The following CSNK1G3 variants were observed in gnomAD, a reference collection of about 807,000 sequenced individuals.
CSNK1G3 encodes the protein casein kinase 1 gamma 3.
A neutral mutation model predicts 64.3 loss-of-function variants in CSNK1G3; 23 were observed. The observed-to-expected ratio is 0.36, with a 90% confidence interval of 0.26 to 0.51. The LOEUF is 0.51. Ranked by LOEUF, CSNK1G3 falls within the 20% of genes least tolerant of loss-of-function variation. The pLI is 0.96. For missense variants in CSNK1G3, 357 were observed against 510.5 expected, an observed-to-expected ratio of 0.70 and a Z score of 2.90; for synonymous variants, 158 against 162.2, an observed-to-expected ratio of 0.97 and a Z score of 0.20.
intron 11 of CSNK1G3, 43 bp from the exon 13 acceptor site, chr5:123,605,296 C>G (rs773856766): frequency 1.0e-5 from 16 of 1,547,920 alleles, no homozygotes; most frequent in East Asian, 4.5e-5. Context: ...TTCTCTCTCT[C>G]TCTTTTTTTT....
intron 6 of CSNK1G3, among the ~76,000 whole-genome samples, chr5:123,581,934 G>A (rs1237853555): frequency 6.6e-6 from 1 of 151,768 alleles, no homozygotes; most frequent in African/African-American, 2.4e-5. Flanking sequence ...TGTTTGAGCT[G>A]TCTTGGCTTT....
At chr5:123,579,171 C>G (rs2150790321) in intron 6 of CSNK1G3, among the ~76,000 whole-genome samples, 1 of 151,994 alleles carries the variant, frequency 6.6e-6, no homozygotes, top group African/African-American at 2.4e-5. Flanking sequence ...TGTCCCTGCT[C>G]TGCCTCTCAA....
chr5:123,597,189 GAGA>G (rs575113958), intron 10 of CSNK1G3, among the ~76,000 whole-genome samples: 96 of 152,218 alleles, frequency 6.3e-4, no homozygotes, highest in Non-Finnish European at 1.1e-3. Context: ...ACAAAAATAT[GAGA>G]AGAATTTGCC....
chr5:123,512,433 T>G, exon 1 of CSNK1G3: 1 of 150,636 alleles, frequency 6.6e-6, no homozygotes, highest in African/African-American at 2.4e-5. Flanking sequence ...GCTCGCTCGC[T>G]CCCTGCGTGG....
intron 1 of CSNK1G3, among the ~76,000 whole-genome samples, chr5:123,523,290 T>C (rs1427880624): frequency 6.6e-6 from 1 of 152,194 alleles, no homozygotes; most frequent in African/African-American, 2.4e-5. Context: ...TCTGGAAATA[T>C]ATACACATAA....
chr5:123,592,476 TAAA>T (rs11296990), intron 10 of CSNK1G3, among the ~76,000 whole-genome samples: 3 of 151,858 alleles, frequency 2.0e-5, no homozygotes, highest in African/African-American at 7.3e-5. Flanking sequence ...TTTTTTTTGG[TAAA>T]AAAGTTTTAT....
At chr5:123,556,378 C>T (rs1784624956) in intron 3 of CSNK1G3, among the ~76,000 whole-genome samples, 1 of 152,054 alleles carries the variant, frequency 6.6e-6, no homozygotes, top group South Asian at 2.1e-4. Context: ...CATCTGCTCA[C>T]TTTTCTGTCT....
chr5:123,586,830 A>G (rs1020915482), intron 6 of CSNK1G3, among the ~76,000 whole-genome samples: 3 of 152,210 alleles, frequency 2.0e-5, no homozygotes, highest in African/African-American at 7.2e-5. Flanking sequence ...GGCAATTTAC[A>G]AAAGAAAGAG....
At chr5:123,587,970 T>C (rs907447385) in intron 6 of CSNK1G3, 98 bp from the exon 7 acceptor site, 1 of 739,998 alleles carries the variant, frequency 1.4e-6, no homozygotes, top group African/African-American at 1.9e-5. Context: ...TGTTGAACTT[T>C]TGGAAATTAA....
rs534982084 is a variant in CSNK1G3, at chr5:123,583,462, G to C, written c.674-4606G>C. On this transcript the variant is annotated intron_variant, in intron 6 of 12. Coordinates refer to ENST00000345990, the Ensembl canonical transcript of CSNK1G3. The stretch of plus-strand genomic sequence containing the variant: ...CACAACCTCCGCCTCCCAGATTCAA[G>C]CGATTCTCCTGCCTCAGCCTCCCGA... 3.3e-5 allele frequency among the ~76,000 whole-genome samples: 5 copies of C among 151,980 alleles called. No homozygotes were observed. In the South Asian group the frequency reaches 8.3e-4, roughly 25 times the overall value.
At chr5:123,569,744 G>T (rs1247016939) in intron 4 of CSNK1G3, among the ~76,000 whole-genome samples, 1 of 152,056 alleles carries the variant, frequency 6.6e-6, no homozygotes, top group Non-Finnish European at 1.5e-5. Context: ...TCTTGAGAAT[G>T]CTTTTTATTT....
At chr5:123,563,299 C>T (rs1156471978) in intron 4 of CSNK1G3, among the ~76,000 whole-genome samples, 1 of 151,800 alleles carries the variant, frequency 6.6e-6, no homozygotes, top group African/African-American at 2.4e-5. Flanking sequence ...TTTGAGATTC[C>T]TTGGACTATG....
chr5:123,532,680 T>G (rs1423943118), intron 1 of CSNK1G3, among the ~76,000 whole-genome samples: 1 of 151,856 alleles, frequency 6.6e-6, no homozygotes, highest in Non-Finnish European at 1.5e-5. Context: ...AAAAACTGAT[T>G]TGTAGAGGCA....
chr5:123,568,385 T>C (rs900491020), intron 4 of CSNK1G3, among the ~76,000 whole-genome samples: 2 of 152,202 alleles, frequency 1.3e-5, no homozygotes, highest in African/African-American at 4.8e-5. Context: ...CCGGTTGTCA[T>C]GTAAAATCCA....
chr5:123,594,906 A>G, intron 10 of CSNK1G3, 133 bp from the exon 11 acceptor site: 2 of 642,642 alleles, frequency 3.1e-6, no homozygotes, highest in Non-Finnish European at 5.3e-6. Flanking sequence ...AGATAACTGC[A>G]CCATGATTCA....
At chr5:123,547,688 G>A (rs1782806114) in intron 2 of CSNK1G3, among the ~76,000 whole-genome samples, 1 of 152,016 alleles carries the variant, frequency 6.6e-6, no homozygotes. Flanking sequence ...TCTTTGATGT[G>A]TGTATATATA....
At chr5:123,609,131 G>A (rs912386015) in intron 12 of CSNK1G3, among the ~76,000 whole-genome samples, 1 of 152,146 alleles carries the variant, frequency 6.6e-6, no homozygotes, top group Admixed American at 6.6e-5. Context: ...AATGAAAACT[G>A]AGATAGGCTA....
intron 1 of CSNK1G3, among the ~76,000 whole-genome samples, chr5:123,525,929 C>T (rs1368310288): frequency 6.1e-5 from 9 of 147,340 alleles, no homozygotes; most frequent in Admixed American, 5.5e-4. Context: ...ACCTGGGAGG[C>T]GGAGCTTGCA....
chr5:123,547,809 C>G (rs1230877705), intron 2 of CSNK1G3, among the ~76,000 whole-genome samples: 1 of 151,816 alleles, frequency 6.6e-6, no homozygotes, highest in Admixed American at 6.6e-5. Context: ...TTTATTCTTC[C>G]TTTTTCATAG....
Sources: allele counts gnomAD v4.1 joint callset (sites outside exome capture counted in the v4.1 genomes callset), GRCh38; gene constraint gnomAD v4.1.1; transcripts MANE v1.5; gene names NCBI Gene and HGNC (gene_info 2026-07-23, HGNC 2026-07-21).